GNAL: variants seen among roughly 807,000 people sequenced by gnomAD.
GNAL encodes G protein subunit alpha L.
GNAL carries 18 observed loss-of-function variants against 55.1 expected under a neutral mutation model. That is an observed-to-expected ratio of 0.33 (90% CI 0.23 to 0.48). The LOEUF is 0.48. Among genes scored for constraint, GNAL ranks in the 20% least tolerant of loss-of-function variants. The pLI is 0.99. For synonymous variants in GNAL, 253 were observed against 237.0 expected, an observed-to-expected ratio of 1.07 and a Z score of -0.62; for missense variants, 412 against 614.1, an observed-to-expected ratio of 0.67 and a Z score of 3.48.
chr18:11,884,923 G>A lies in GNAL; in HGVS notation c.*3788G>A. The A allele has an allele frequency of 1.5e-6, 2 of 1,290,846 alleles. No individual in the cohort carries two copies. The highest frequency in any genetic ancestry group is 1.0e-6 in the Non-Finnish European group (1 of 1,002,700). The allele number at this position is 1,290,846 out of a possible 1,614,324, so 80.0% of individuals were successfully genotyped here. On this transcript the variant is annotated 3_prime_UTR_variant, in exon 12 of 12. Transcript: ENST00000334049. ...GCTCACTGGGTTCCCATCAAATATA[G>A]TGGGGGATCCATAACAGAGATTCAG...
chr18:11,759,851 C>A (rs1054184164), intron 4 of GNAL, among the ~76,000 whole-genome samples: 1 of 152,214 alleles, frequency 6.6e-6, no homozygotes, highest in African/African-American at 2.4e-5. Context: ...AAGCCTGTGT[C>A]TATCTCCTGC....
At position 11,751,911 on chromosome 18, in the gene GNAL, C is replaced by G. The variant is rs2032850677; in HGVS notation, c.377-942C>G. 6.6e-6 allele frequency among the ~76,000 whole-genome samples: 1 copy of G among 152,200 alleles called. No homozygotes were observed. Among genetic ancestry groups the G allele is most frequent in the South Asian group, 2.1e-4 (1 of 4,838 alleles). ...AATAGCAGGGCGCGAGCCGGCCCGG[C>G]AGGTGCCCATCGTCGCCCTCTGGGA... On this transcript the variant is annotated intron_variant, in intron 1 of 11. Transcript: ENST00000334049. The surrounding 1 kb of genome is among the most constrained non-coding windows in gnomAD (Gnocchi z 4.5).
At chr18:11,822,064 G>T (rs2035108169) in intron 4 of GNAL, among the ~76,000 whole-genome samples, 1 of 152,372 alleles carries the variant, frequency 6.6e-6, no homozygotes, top group East Asian at 1.9e-4. Context: ...TCTTGTGCGT[G>T]CAGAGCGGCG....
intron 5 of GNAL, chr18:11,851,387 C>T: frequency 7.9e-7 from 1 of 1,259,598 alleles, no homozygotes; most frequent in Non-Finnish European, 1.1e-6. Context: ...ACCTGCGCCG[C>T]TCACAGTAGA....
intron 10 of GNAL, 48 bp downstream of exon 10, chr18:11,872,446 A>C (rs764083058): frequency 3.3e-6 from 4 of 1,211,964 alleles, no homozygotes; most frequent in Non-Finnish European, 2.4e-6. Flanking sequence ...GAATTGTTTT[A>C]TTAATAGTCC....
chr18:11,859,749 CT>C (rs560753290), intron 5 of GNAL, among the ~76,000 whole-genome samples: 343 of 144,608 alleles, frequency 2.4e-3, no homozygotes, highest in Middle Eastern at 7.1e-3. Context: ...AGTTGACATT[CT>C]TTTTTTTTTT....
At chr18:11,820,575 G>A (rs2035065899) in intron 4 of GNAL, among the ~76,000 whole-genome samples, 1 of 152,194 alleles carries the variant, frequency 6.6e-6, no homozygotes, top group Non-Finnish European at 1.5e-5. Context: ...AGATATGGAT[G>A]AAAAGAAATT....
intron 5 of GNAL, among the ~76,000 whole-genome samples, chr18:11,842,465 A>G (rs1308778763): frequency 6.6e-6 from 1 of 152,144 alleles, no homozygotes. Context: ...ATATAATGAA[A>G]TAATTATATA....
chr18:11,800,246 C>CATAGATAGATAGATAGATAGATAGATAG (rs112121065), intron 4 of GNAL, among the ~76,000 whole-genome samples: 10 of 151,828 alleles, frequency 6.6e-5, no homozygotes, highest in African/African-American at 2.4e-4. Flanking sequence ...ATAGATGGAA[C>CATAGATAGATAGATAGATAGATAGATAG]ATAGATAGAT....
At chr18:11,738,860 G>C (rs1285137554) in intron 1 of GNAL, among the ~76,000 whole-genome samples, 2 of 152,202 alleles carry the variant, frequency 1.3e-5, no homozygotes, top group East Asian at 1.9e-4. Flanking sequence ...TGAGGATGAG[G>C]AGGATGTGCA....
At chr18:11,872,592 G>A (rs2036421898) in intron 10 of GNAL, among the ~76,000 whole-genome samples, 194 bp downstream of exon 10, 1 of 152,186 alleles carries the variant, frequency 6.6e-6, no homozygotes, top group South Asian at 2.1e-4. Flanking sequence ...ATTTGTAAAT[G>A]TTTCCGAGTT....
At chr18:11,733,224 GGAC>G (rs1323929270) in intron 1 of GNAL, among the ~76,000 whole-genome samples, 93 of 152,360 alleles carry the variant, frequency 6.1e-4, no homozygotes, top group African/African-American at 2.1e-3. Context: ...CGTCGACTGG[GGAC>G]TTGGAGGTGT....
intron 4 of GNAL, among the ~76,000 whole-genome samples, chr18:11,769,862 G>GT (rs1185743509): frequency 6.6e-6 from 1 of 151,944 alleles, no homozygotes; most frequent in African/African-American, 2.4e-5. Context: ...CACACACACT[G>GT]GCACATGCAG....
intron 6 of GNAL, among the ~76,000 whole-genome samples, chr18:11,862,714 C>T (rs2036175479): frequency 6.6e-6 from 1 of 152,090 alleles, no homozygotes; most frequent in Non-Finnish European, 1.5e-5. Flanking sequence ...GTTCCTTTTC[C>T]TCCTGGAGCT....
Position 11,856,275 on chromosome 18 carries a change from T to C in GNAL, c.723-6120T>C, listed in dbSNP as rs941457422. ...TGTCTGGTTTACCTAGGTTTGTTTT[T>C]CTACATTAGATTGCAAATTCCATAG... On this transcript the variant is annotated intron_variant, in intron 5 of 11. Coordinates refer to ENST00000334049, the MANE Select transcript of GNAL (RefSeq NM_182978.4). 2.1e-4 allele frequency among the ~76,000 whole-genome samples: 32 copies of C among 151,408 alleles called. 3 individuals carry two copies. Among genetic ancestry groups the C allele is most frequent in the African/African-American group, 7.9e-4 (32 of 40,714 alleles).
At position 11,825,595 on chromosome 18, in the gene GNAL, G is replaced by A. The variant is rs1252265336; in HGVS notation, c.722+580G>A. Among the ~76,000 whole-genome samples the A allele has an allele frequency of 3.3e-5, 5 of 152,218 alleles. No homozygotes were observed. The East Asian group carries it at 9.7e-4, about 29-fold the overall frequency. ...AAAATACAAAAATTAGCTAGGCGTGGTGGTGGGTGCCTGTAATCCCAGCTA... is the reference window on the plus strand; with the variant it reads ...AAAATACAAAAATTAGCTAGGCGTGATGGTGGGTGCCTGTAATCCCAGCTA... On this transcript the variant is annotated intron_variant, in intron 5 of 11. Coordinates refer to ENST00000334049, the MANE Select transcript of GNAL (RefSeq NM_182978.4).
At chr18:11,833,044 A>ATTT (rs113418617) in intron 5 of GNAL, among the ~76,000 whole-genome samples, 1 of 144,728 alleles carries the variant, frequency 6.9e-6, no homozygotes, top group Admixed American at 6.9e-5. Flanking sequence ...TTATTTTCAG[A>ATTT]TTTTTTTTTT....
chr18:11,747,925 G>A lies in GNAL; in HGVS notation c.377-4928G>A, dbSNP rs75018754. On this transcript the variant is annotated intron_variant, in intron 1 of 11. Transcript: ENST00000334049. ...CCGCAGGTGGGTGTGTTGCCGGGGA[G>A]CGCAATGCTGCTGCTGCGGTTGCCT... 7.8e-3 allele frequency among the ~76,000 whole-genome samples: 1,191 copies of A among 152,174 alleles called. 14 individuals carry two copies. Among genetic ancestry groups the A allele is most frequent in the African/African-American group, 0.027 (1,138 of 41,514 alleles).
intron 6 of GNAL, among the ~76,000 whole-genome samples, chr18:11,862,708 C>G (rs1043230948): frequency 6.6e-6 from 1 of 152,042 alleles, no homozygotes; most frequent in Non-Finnish European, 1.5e-5. Flanking sequence ...TATGCCGTTC[C>G]TTTTCCTCCT....
Sources: gnomAD v4.1 joint callset for allele counts (sites outside exome capture counted in the v4.1 genomes callset) on GRCh38, gnomAD v4.1.1 for gene constraint, Gnocchi (gnomAD v3.1) non-coding constraint, MANE v1.5 for transcripts, NCBI Gene and HGNC (gene_info 2026-07-23, HGNC 2026-07-21) for gene names.